Variants in HTR6 observed in about 807,000 individuals in gnomAD.
HTR6 encodes 5-hydroxytryptamine receptor 6.
In HTR6, 15 loss-of-function variants were observed where a neutral mutation model predicts 17.4. That is an observed-to-expected ratio of 0.86 (90% CI 0.58 to 1.33). HTR6 has a LOEUF of 1.33. Ranked by LOEUF, HTR6 falls within the 40% of genes most tolerant of loss-of-function variation. The pLI, the probability that HTR6 is intolerant of heterozygous loss-of-function variation, is 0.00. For missense variants in HTR6, 578 were observed against 616.0 expected, an observed-to-expected ratio of 0.94 and a Z score of 0.65; for synonymous variants, 326 against 295.5, an observed-to-expected ratio of 1.10 and a Z score of -1.06.
chr1:19,676,482 G>A (rs2095094683), intron 1 of HTR6, among the ~76,000 whole-genome samples: 1 of 152,174 alleles, frequency 6.6e-6, no homozygotes, highest in Admixed American at 6.5e-5. Flanking sequence ...ACACGTTGAG[G>A]GGTGGGGATT....
At chr1:19,672,136 C>T (rs2095089018) in intron 1 of HTR6, among the ~76,000 whole-genome samples, 3 of 151,618 alleles carry the variant, frequency 2.0e-5, no homozygotes, top group African/African-American at 7.3e-5. Context: ...GAGGCCCAGC[C>T]TCCTCCTCTT....
At chr1:19,669,453 A>G (rs1298650537) in intron 1 of HTR6, among the ~76,000 whole-genome samples, 1 of 152,194 alleles carries the variant, frequency 6.6e-6, no homozygotes, top group African/African-American at 2.4e-5. Context: ...GCGAGAGGTG[A>G]CTTGCCCAAG....
At chr1:19,674,459 T>C (rs2095091930) in intron 1 of HTR6, among the ~76,000 whole-genome samples, 1 of 147,176 alleles carries the variant, frequency 6.8e-6, no homozygotes, top group Non-Finnish European at 1.5e-5. Flanking sequence ...CAGGCTGGAG[T>C]GTGGTGGTGT....
At chr1:19,677,652 G>A (rs767667944) in intron 1 of HTR6, among the ~76,000 whole-genome samples, 2 of 152,252 alleles carry the variant, frequency 1.3e-5, no homozygotes, top group African/African-American at 2.4e-5. Context: ...GCTCCCAAAT[G>A]TGAAGACAAT....
At chr1:19,677,337 C>CT (rs1302619405) in intron 1 of HTR6, among the ~76,000 whole-genome samples, 3 of 152,148 alleles carry the variant, frequency 2.0e-5, no homozygotes, top group African/African-American at 7.2e-5. Flanking sequence ...CCCTTTGGGA[C>CT]TGTGGGGGCC....
At position 19,666,013 on chromosome 1, in the gene HTR6, C is replaced by G. The variant is rs199952267; in HGVS notation, c.260C>G (p.Ala87Gly). 22 of 1,613,880 alleles carry G rather than the reference C, an allele frequency of 1.4e-5. No individual in the cohort carries two copies. Among genetic ancestry groups the G allele is most frequent in the Non-Finnish European group, 1.9e-5 (22 of 1,179,898 alleles). Residue 87 changes from alanine (A) to glycine (G), a missense_variant, in exon 1 of 3, where the codon GCG (alanine) becomes GGG (glycine). Ala to Gly is a moderately conservative substitution (Grantham distance 60). Coordinates refer to ENST00000289753, the MANE Select transcript of HTR6 (RefSeq NM_000871.3). This position sits in a 1 kb window ranked among gnomAD's most constrained non-coding sequence, Gnocchi z 4.5. Reference sequence around the variant, plus strand: ...GTGATGCCGCCGGCCATGCTGAACGCGCTGTACGGGCGCTGGGTGCTGGCG... The same window carrying G: ...GTGATGCCGCCGGCCATGCTGAACGGGCTGTACGGGCGCTGGGTGCTGGCG... ...LVVMPPAMLN[A>G]LYGRWVLARG...
chr1:19,670,177 GCGGTT>G (rs1186070246), intron 1 of HTR6, among the ~76,000 whole-genome samples: 2 of 151,694 alleles, frequency 1.3e-5, no homozygotes, highest in East Asian at 3.9e-4. Context: ...TGCCTCACTT[GCGGTT>G]CCTTCTGCTT....
intron 1 of HTR6, among the ~76,000 whole-genome samples, chr1:19,678,262 A>T (rs116184701): frequency 0.01 from 1,574 of 152,276 alleles, 16 homozygotes; most frequent in South Asian, 0.029. Flanking sequence ...ATCAGAGCTC[A>T]GTCTAGGTCC....
chr1:19,669,019 C>T (rs997777940), intron 1 of HTR6, among the ~76,000 whole-genome samples: 5 of 152,210 alleles, frequency 3.3e-5, no homozygotes, highest in Non-Finnish European at 7.3e-5. Context: ...AGCTGGAAGA[C>T]AGCTGTAATG....
intron 1 of HTR6, among the ~76,000 whole-genome samples, chr1:19,678,278 T>G (rs1348627166): frequency 6.6e-6 from 1 of 151,852 alleles, no homozygotes; most frequent in Non-Finnish European, 1.5e-5. Context: ...GGTCCACAGT[T>G]GAGGCTTGGT....
chr1:19,671,726 C>G (rs1353727747), intron 1 of HTR6, among the ~76,000 whole-genome samples: 1 of 152,230 alleles, frequency 6.6e-6, no homozygotes, highest in Non-Finnish European at 1.5e-5. Flanking sequence ...GGGCATAGGT[C>G]TCGAGGCCCC....
chr1:19,672,894 T>G (rs529081515), intron 1 of HTR6, among the ~76,000 whole-genome samples: 1 of 152,264 alleles, frequency 6.6e-6, no homozygotes, highest in East Asian at 1.9e-4. Context: ...TAGCCAGGCC[T>G]GGTGGCACAT....
Position 19,666,054 on chromosome 1 carries a change from C to T in HTR6, c.301C>T (p.Leu101Phe), listed in dbSNP as rs1570580905. The change falls in exon 1 of 3, where the codon CTC becomes TTC. Residue 101 changes from leucine to phenylalanine, a missense_variant. Physicochemically the swap from Leu to Phe is conservative, Grantham distance 22. Transcript: ENST00000289753. The surrounding 1 kb of genome is among the most constrained non-coding windows in gnomAD (Gnocchi z 4.5). ...RWVLARGLCL[L>F]WTAFDVMCCS... ...GGTGCTGGCGCGCGGCCTCTGCCTG[C>T]TCTGGACCGCCTTCGACGTGATGTG... 1.2e-6 allele frequency: 2 copies of T among 1,613,362 alleles called. No individual in the cohort carries two copies. The highest frequency in any genetic ancestry group is 1.7e-6 in the Non-Finnish European group (2 of 1,179,794).
In HTR6 at chr1:19,665,359, A is replaced by C; in HGVS notation, c.-395A>C. On this transcript the variant is annotated 5_prime_UTR_variant, in exon 1 of 3. Coordinates refer to ENST00000289753, the MANE Select transcript of HTR6 (RefSeq NM_000871.3). This position sits in a 1 kb window ranked among gnomAD's most constrained non-coding sequence, Gnocchi z 4.2. ...CTTCCCCGCACTCTGACCCGGCCGGACGCCCCTCCCCTATCTTGCCGCCCG... is the reference window on the plus strand; with the variant it reads ...CTTCCCCGCACTCTGACCCGGCCGGCCGCCCCTCCCCTATCTTGCCGCCCG... 6.2e-6 allele frequency: 1 copy of C among 161,976 alleles called. No individual in the cohort carries two copies. Among genetic ancestry groups the C allele is most frequent in the African/African-American group, 2.6e-5 (1 of 38,920 alleles). The allele number at this position is 161,976 out of a possible 1,614,324, so 10.0% of individuals were successfully genotyped here.
At position 19,665,118 on chromosome 1, in the gene HTR6, G is replaced by A. The variant is rs929885614; in HGVS notation, c.-636G>A. 6.6e-6 allele frequency among the ~76,000 whole-genome samples: 1 copy of A among 151,656 alleles called. No individual in the cohort carries two copies. The highest frequency in any genetic ancestry group is 1.5e-5 in the Non-Finnish European group (1 of 67,832). ...GCGGCCGCTGCCCTCCTCTTCCCGC[G>A]GGGCCTGGCGGCCCCGGCGAACCCC... On this transcript the variant is annotated 5_prime_UTR_variant, in exon 1 of 3. Transcript: ENST00000289753. The surrounding 1 kb of genome is among the most constrained non-coding windows in gnomAD (Gnocchi z 4.2).
At chr1:19,673,882 GT>G (rs2095091221) in intron 1 of HTR6, among the ~76,000 whole-genome samples, 1 of 94,096 alleles carries the variant, frequency 1.1e-5, no homozygotes, top group South Asian at 3.4e-4. Flanking sequence ...TTTTTTTTCT[GT>G]TAGGACAGAG....
In HTR6 at chr1:19,679,359, C is replaced by T; in HGVS notation, c.1314C>T (p.Pro438=). The change falls in exon 3 of 3, where the codon CCC becomes CCT. Residue 438 remains proline, a synonymous_variant. Coordinates refer to ENST00000289753, the MANE Select transcript of HTR6 (RefSeq NM_000871.3). This position sits in a 1 kb window ranked among gnomAD's most constrained non-coding sequence, Gnocchi z 4.9. ...PELRPHPLGI[P]TN Reference sequence around the variant, plus strand: ...TGCGGCCGCATCCACTTGGCATCCCCACGAACTGACCCGGGCTTGGGGCTG... The same window carrying T: ...TGCGGCCGCATCCACTTGGCATCCCTACGAACTGACCCGGGCTTGGGGCTG... 2 of 1,589,508 alleles carry T rather than the reference C, an allele frequency of 1.3e-6. No individual in the cohort carries two copies. The highest frequency in any genetic ancestry group is 1.3e-5 in the African/African-American group (1 of 74,608).
chr1:19,677,243 A>T (rs972415378), intron 1 of HTR6, among the ~76,000 whole-genome samples: 5 of 150,258 alleles, frequency 3.3e-5, no homozygotes, highest in Admixed American at 1.3e-4. Context: ...TGTGTGTGTG[A>T]GATTTCATTA....
rs190371822 is a variant in HTR6, at chr1:19,669,017, G to A, written c.714+2550G>A. ...CTTGACGCACCTAGAAGAGCTGGAA[G>A]ACAGCTGTAATGGGCTGACGTGCTC... On this transcript the variant is annotated intron_variant, in intron 1 of 2. Coordinates refer to ENST00000289753, the MANE Select transcript of HTR6 (RefSeq NM_000871.3). 5.3e-5 allele frequency among the ~76,000 whole-genome samples: 8 copies of A among 152,340 alleles called. No homozygotes were observed. In the East Asian group the frequency reaches 1.5e-3, roughly 29 times the overall value.
Sources: allele counts gnomAD v4.1 joint callset (sites outside exome capture counted in the v4.1 genomes callset), GRCh38; gene constraint gnomAD v4.1.1; non-coding constraint Gnocchi (gnomAD v3.1); transcripts MANE v1.5; gene names NCBI Gene and HGNC (gene_info 2026-07-23, HGNC 2026-07-21).